The following ZPBP2 variants were observed in gnomAD, a reference collection of about 807,000 sequenced individuals.
The protein encoded by ZPBP2 is zona pellucida binding protein 2, also known as zona pellucida-binding protein 2.
A neutral mutation model predicts 37.5 loss-of-function variants in ZPBP2; 34 were observed. The observed-to-expected ratio is 0.91, with a 90% CI of 0.69 to 1.21. ZPBP2 has a LOEUF of 1.21. ZPBP2 is among the 50% of genes most tolerant of loss of function. The pLI is 0.00. For synonymous variants in ZPBP2, 143 were observed against 138.4 expected, an observed-to-expected ratio of 1.03 and a Z score of -0.23; for missense variants, 397 against 413.5, an observed-to-expected ratio of 0.96 and a Z score of 0.35.
intron 3 of ZPBP2, 61 bp downstream of exon 3, chr17:39,870,880 G>T: frequency 1.6e-6 from 2 of 1,280,204 alleles, no homozygotes; most frequent in Non-Finnish European, 2.1e-6. Context: ...GAAAATCACT[G>T]TTACTTATTG....
Position 39,870,727 on chromosome 17 carries a change from C to T in ZPBP2, c.152C>T (p.Pro51Leu), listed in dbSNP as rs767043856. The change falls in exon 3 of 8, where the codon CCA becomes CTA. Residue 51 changes from proline to leucine, a missense_variant. Pro to Leu is a moderately conservative substitution (Grantham distance 98). Transcript: ENST00000348931. ...TATGTAGAGTTACATCAAAATAGTC[C>T]AGTCCTTATCTGTATGGATTTTAAG... ...KIYVELHQNS[P>L]VLICMDFKLS... is the part of the protein sequence containing the mutation. 4 of 1,513,734 alleles carry T rather than the reference C, an allele frequency of 2.6e-6. No individual in the cohort carries two copies. The highest frequency in any genetic ancestry group is 1.8e-5 in the Admixed American group (1 of 56,080). The allele number at this position is 1,513,734 out of a possible 1,614,324, so 93.8% of individuals were successfully genotyped here.
At position 39,871,499 on chromosome 17, in the gene ZPBP2, C is replaced by T; in HGVS notation, c.280C>T (p.Leu94=). The change falls in exon 4 of 8, where the codon CTG becomes TTG. Residue 94 remains leucine (L), a synonymous_variant. Coordinates refer to ENST00000348931, the MANE Select transcript of ZPBP2 (RefSeq NM_199321.3). ...AATAAATATAACTGAAACTGGACAG[C>T]TGATGGTGAAAGATTTTTTGGAGCC... The part of the protein sequence containing the change: ...NRINITETGQ[L]MVKDFLEPLS... 1.2e-6 allele frequency: 2 copies of T among 1,605,114 alleles called. No individual in the cohort carries two copies. Among genetic ancestry groups the T allele is most frequent in the Non-Finnish European group, 8.5e-7 (1 of 1,176,084 alleles).
chr17:39,869,707 CT>C (rs59544817), intron 2 of ZPBP2, among the ~76,000 whole-genome samples: 5,775 of 92,968 alleles, frequency 0.062, 509 homozygotes, highest in African/African-American at 0.21. Context: ...ACCAGCCAAT[CT>C]TTTTTTTTTT....
At chr17:39,871,189 G>A (rs1055149770) in intron 3 of ZPBP2, among the ~76,000 whole-genome samples, 6 of 152,084 alleles carry the variant, frequency 3.9e-5, no homozygotes, top group African/African-American at 1.4e-4. Flanking sequence ...TTGTATAGTA[G>A]TACAGAGCAG....
chr17:39,868,295 A>G lies in ZPBP2; in HGVS notation c.-60A>G. On this transcript the variant is annotated 5_prime_UTR_variant, in exon 1 of 8. Coordinates refer to ENST00000348931, the MANE Select transcript of ZPBP2 (RefSeq NM_199321.3). ...GGAGGAGGTGGGGAGGTGTTGGGCC[A>G]GGGCTGAGGTAGGAGGGAGTCTGTC... The G allele has an allele frequency of 6.3e-7, 1 of 1,583,994 alleles. No homozygotes were observed. Among genetic ancestry groups the G allele is most frequent in the Middle Eastern group, 2.1e-4 (1 of 4,680 alleles).
chr17:39,873,184 T>C (rs2144643353), intron 6 of ZPBP2, 58 bp downstream of exon 6: 2 of 1,543,162 alleles, frequency 1.3e-6, no homozygotes, highest in East Asian at 2.3e-5. Flanking sequence ...AGAGACAGGG[T>C]GTCACCCAGG....
At chr17:39,870,904 G>A (rs1395206038) in intron 3 of ZPBP2, 85 bp downstream of exon 3, 5 of 1,199,832 alleles carry the variant, frequency 4.2e-6, no homozygotes, top group Non-Finnish European at 4.4e-6. Context: ...AGAACAAATT[G>A]AAATTTAATT....
At position 39,870,803 on chromosome 17, in the gene ZPBP2, T is replaced by C. The variant is rs1275996914; in HGVS notation, c.228T>C (p.Asn76=). The change falls in exon 3 of 8, where the codon AAT becomes AAC. Residue 76 remains asparagine, a synonymous_variant. Coordinates refer to ENST00000348931, the MANE Select transcript of ZPBP2 (RefSeq NM_199321.3). The part of the protein sequence containing the change: ...VDPTYLWIGP[N]EKTLTGNNRI... Reference sequence around the variant, plus strand: ...CCACCTACTTATGGATTGGGCCTAATGAAAAGACGTTAACAGGTAAATTTG... The same window carrying C: ...CCACCTACTTATGGATTGGGCCTAACGAAAAGACGTTAACAGGTAAATTTG... 1.3e-6 allele frequency: 2 copies of C among 1,541,492 alleles called. No homozygotes were observed. Among genetic ancestry groups the C allele is most frequent in the African/African-American group, 1.4e-5 (1 of 73,658 alleles).
chr17:39,875,109 A>C (rs1184197368), intron 6 of ZPBP2, 145 bp from the exon 7 acceptor site: 2 of 682,820 alleles, frequency 2.9e-6, no homozygotes, highest in Non-Finnish European at 4.8e-6. Context: ...AAGCTAACTA[A>C]TTTTGGTGTT....
rs565757767 is a variant in ZPBP2 at position 39,876,916 on chromosome 17, C to T, written c.*107C>T. ...TTAAGTAAAATCAGTAAGACCAAAC[C>T]ACTGGAAAACATGCATTTTGGAAAC... On this transcript the variant is annotated 3_prime_UTR_variant, in exon 8 of 8. Coordinates refer to ENST00000348931, the MANE Select transcript of ZPBP2 (RefSeq NM_199321.3). 1.6e-5 allele frequency: 22 copies of T among 1,370,312 alleles called. No homozygotes were observed. The highest frequency in any genetic ancestry group is 8.6e-5 in the Admixed American group (4 of 46,756). 84.9% of individuals were successfully genotyped at this position (1,370,312 alleles called of 1,614,324 possible). A position where few individuals can be genotyped will look rare whatever the true frequency, so the allele number is the denominator to read the frequency against.
chr17:39,871,380 T>G, intron 3 of ZPBP2, 84 bp from the exon 4 acceptor site: 2 of 964,436 alleles, frequency 2.1e-6, no homozygotes, highest in South Asian at 2.9e-5. Flanking sequence ...TTTTTAAAAT[T>G]TTTGTATCTA....
intron 7 of ZPBP2, among the ~76,000 whole-genome samples, chr17:39,876,427 T>C (rs35736272): frequency 0.35 from 53,878 of 151,928 alleles, 11,146 homozygotes; most frequent in Non-Finnish European, 0.45. Context: ...CTGCAGAAGA[T>C]ACTGTAAAAT....
Position 39,876,733 on chromosome 17 carries a change from C to A in ZPBP2, c.941C>A (p.Thr314Asn). 6.2e-7 allele frequency: 1 copy of A among 1,613,916 alleles called. No homozygotes were observed. Among genetic ancestry groups the A allele is most frequent in the Non-Finnish European group, 8.5e-7 (1 of 1,179,922 alleles). Reference sequence around the variant, plus strand: ...CCTGATGTTAATGTAACTTGTCAGACCTGCGTTTCCGTCCTTACCTATGGA... The same window carrying A: ...CCTGATGTTAATGTAACTTGTCAGAACTGCGTTTCCGTCCTTACCTATGGA... ...FSPDVNVTCQ[T>N]CVSVLTYGAK... The change falls in exon 8 of 8, where the codon ACC becomes AAC. Residue 314 changes from threonine to asparagine, a missense_variant. Thr to Asn is a moderately conservative substitution (Grantham distance 65). Coordinates refer to ENST00000348931, the MANE Select transcript of ZPBP2 (RefSeq NM_199321.3).
chr17:39,868,505 T>C, intron 1 of ZPBP2, 44 bp from the exon 2 acceptor site: 1 of 1,613,972 alleles, frequency 6.2e-7, no homozygotes, highest in Non-Finnish European at 8.5e-7. Flanking sequence ...CTCTGAACCC[T>C]GCTCCTCTTC....
chr17:39,870,182 T>C (rs917016353), intron 2 of ZPBP2, among the ~76,000 whole-genome samples: 1 of 152,148 alleles, frequency 6.6e-6, no homozygotes. Context: ...TAGCTGGGAT[T>C]ATAGGCCCAC....
rs147730550 is a variant in ZPBP2, at chr17:39,876,744, G to A, written c.952G>A (p.Val318Ile). The change falls in exon 8 of 8, where the codon GTC becomes ATC. Residue 318 changes from valine (V) to isoleucine (I), a missense_variant. By Grantham distance (29) the Val-to-Ile change is conservative (BLOSUM62 3). Coordinates refer to ENST00000348931, the MANE Select transcript of ZPBP2 (RefSeq NM_199321.3). ...VNVTCQTCVS[V>I]LTYGAKSCPQ... ...TGTAACTTGTCAGACCTGCGTTTCC[G>A]TCCTTACCTATGGAGCTAAATCTTG... is the stretch of plus-strand genomic sequence containing the variant. 29 of 1,613,720 alleles carry A rather than the reference G, an allele frequency of 1.8e-5. No homozygotes were observed. The highest frequency in any genetic ancestry group is 2.3e-5 in the Non-Finnish European group (27 of 1,179,922).
Position 39,868,298 on chromosome 17 carries a change from G to A in ZPBP2, c.-57G>A. ...GGAGGTGGGGAGGTGTTGGGCCAGG[G>A]CTGAGGTAGGAGGGAGTCTGTCCCT... is the stretch of plus-strand genomic sequence containing the variant. On this transcript the variant is annotated 5_prime_UTR_variant, in exon 1 of 8. Transcript: ENST00000348931. The A allele has an allele frequency of 5.0e-6, 8 of 1,588,900 alleles. No homozygotes were observed. Among genetic ancestry groups the A allele is most frequent in the Non-Finnish European group, 6.8e-6 (8 of 1,171,312 alleles).
chr17:39,875,423 C>T lies in ZPBP2; in HGVS notation c.878C>T (p.Ala293Val), dbSNP rs768138293. The T allele has an allele frequency of 1.3e-6, 2 of 1,599,808 alleles. No individual in the cohort carries two copies. Among genetic ancestry groups the T allele is most frequent in the Non-Finnish European group, 1.7e-6 (2 of 1,175,176 alleles). ...AATGAACGTCTACACAGTAATTGCG[C>T]TAGCTGTTGTGGTAACTATAAAATA... Reference protein sequence around the residue: ...GKNERLHSNCASCCVVCSPAT... With the variant: ...GKNERLHSNCVSCCVVCSPAT... The change falls in exon 7 of 8, where the codon GCT becomes GTT. Residue 293 changes from alanine to valine, a missense_variant. By Grantham distance (64) the Ala-to-Val change is moderately conservative. Coordinates refer to ENST00000348931, the MANE Select transcript of ZPBP2 (RefSeq NM_199321.3).
rs1167320563 is a variant in ZPBP2, at chr17:39,877,029, A to C, written c.*220A>C. On this transcript the variant is annotated 3_prime_UTR_variant, in exon 8 of 8. Transcript: ENST00000348931. ...CAAAGGAAACTTGAAGTTTTAATGGATTATTTTTAATGAAATGTTTTATTG... is the reference window on the plus strand; with the variant it reads ...CAAAGGAAACTTGAAGTTTTAATGGCTTATTTTTAATGAAATGTTTTATTG... The C allele has an allele frequency of 2.4e-6, 1 of 415,718 alleles. No homozygotes were observed. Among genetic ancestry groups the C allele is most frequent in the Non-Finnish European group, 4.4e-6 (1 of 226,344 alleles). The allele number at this position is 415,718 out of a possible 1,614,324, so 25.8% of individuals were successfully genotyped here. A position where few individuals can be genotyped will look rare whatever the true frequency, so the allele number is the denominator to read the frequency against.
Sources: gnomAD v4.1 joint callset for allele counts (sites outside exome capture counted in the v4.1 genomes callset) on GRCh38, gnomAD v4.1.1 for gene constraint, MANE v1.5 for transcripts, NCBI Gene and HGNC (gene_info 2026-07-23, HGNC 2026-07-21) for gene names.